The following THSD7A variants were observed in gnomAD, a reference collection of about 807,000 sequenced individuals.
THSD7A encodes thrombospondin type 1 domain containing 7A.
A neutral mutation model predicts 231.3 loss-of-function variants in THSD7A; 96 were observed. The ratio of observed to expected loss-of-function variants is 0.41; its 90% CI spans 0.35 to 0.49. THSD7A has a LOEUF of 0.49. THSD7A is among the 20% of genes least tolerant of loss of function. The probability of loss-of-function intolerance (pLI) is 0.05; values close to 1 mark genes in which losing one functional copy is unlikely to be tolerated. For missense variants in THSD7A, 2,290 were observed against 2,070.2 expected (o/e 1.11, Z -2.06); for synonymous variants, 940 against 743.3 (o/e 1.26, Z -4.30).
intron 1 of THSD7A, among the ~76,000 whole-genome samples, chr7:11,670,773 T>G (rs561760477): frequency 6.6e-6 from 1 of 152,304 alleles, no homozygotes; most frequent in East Asian, 1.9e-4. Flanking sequence ...CACCCCATTT[T>G]TTTGAGGATG....
At chr7:11,473,591 T>A (rs1046661200) in intron 8 of THSD7A, among the ~76,000 whole-genome samples, 1 of 152,180 alleles carries the variant, frequency 6.6e-6, no homozygotes, top group Non-Finnish European at 1.5e-5. Context: ...TTCCCCTCAA[T>A]TTTTTAGAGT....
chr7:11,393,541 A>G (rs1783066398), intron 23 of THSD7A, among the ~76,000 whole-genome samples: 2 of 152,240 alleles, frequency 1.3e-5, no homozygotes, highest in Non-Finnish European at 2.9e-5. Flanking sequence ...AGCCTTCAGA[A>G]GGTGAGTAAT....
chr7:11,676,371 C>T (rs1422066816), intron 1 of THSD7A, among the ~76,000 whole-genome samples: 4 of 152,128 alleles, frequency 2.6e-5, no homozygotes, highest in Non-Finnish European at 5.9e-5. Context: ...TCCAAAGGAT[C>T]ACAATTCCTC....
rs1379533835 is a variant in THSD7A, at chr7:11,575,457, T to C, written c.1453+15003A>G. Reference sequence around the variant, plus strand: ...CCTGTAGAAGTGGGATAATATTTTATTCAAGATTATGTCCTGTCAAGCCTT... The same window carrying C: ...CCTGTAGAAGTGGGATAATATTTTACTCAAGATTATGTCCTGTCAAGCCTT... On this transcript the variant is annotated intron_variant, in intron 4 of 27. Coordinates refer to ENST00000423059, the MANE Select transcript of THSD7A (RefSeq NM_015204.3). 2.0e-5 allele frequency among the ~76,000 whole-genome samples: 3 copies of C among 152,200 alleles called. No homozygotes were observed. The East Asian group carries it at 5.8e-4, about 29-fold the overall frequency.
intron 1 of THSD7A, among the ~76,000 whole-genome samples, chr7:11,703,247 C>T (rs1780661698): frequency 6.6e-6 from 1 of 151,200 alleles, no homozygotes; most frequent in African/African-American, 2.4e-5. Context: ...TTTTCCCAAA[C>T]TGTCTTAATT....
intron 1 of THSD7A, among the ~76,000 whole-genome samples, chr7:11,783,327 AG>A (rs1246430172): frequency 6.6e-6 from 1 of 152,286 alleles, no homozygotes; most frequent in East Asian, 1.9e-4. Flanking sequence ...TCTATAATAA[AG>A]TGTTGCATAT....
chr7:11,688,478 CA>C (rs1380202963), intron 1 of THSD7A, among the ~76,000 whole-genome samples: 2 of 151,732 alleles, frequency 1.3e-5, no homozygotes, highest in African/African-American at 4.8e-5. Context: ...TCCACACATT[CA>C]AAATGAGATG....
chr7:11,593,521 A>G lies in THSD7A; in HGVS notation c.1023-19T>C, dbSNP rs1562753654. 3.7e-6 allele frequency: 6 copies of G among 1,612,188 alleles called. No individual in the cohort carries two copies. In the South Asian group the frequency reaches 6.6e-5, roughly 18 times the overall value. On this transcript the variant is annotated intron_variant, in intron 2 of 27. Coordinates refer to ENST00000423059, the MANE Select transcript of THSD7A (RefSeq NM_015204.3). ...GCAAAAGCTGTAAAAGAGCATTGAT[A>G]TTCTCATTACAGACTCACAGGCAGT...
chr7:11,401,002 A>G (rs183561191), intron 23 of THSD7A, among the ~76,000 whole-genome samples: 177 of 152,276 alleles, frequency 1.2e-3, no homozygotes, highest in Non-Finnish European at 2.0e-3. Flanking sequence ...GAATGATTCT[A>G]TGTGTGTATA....
intron 1 of THSD7A, among the ~76,000 whole-genome samples, chr7:11,714,500 T>A (rs1363255479): frequency 1.3e-5 from 2 of 151,232 alleles, no homozygotes; most frequent in African/African-American, 2.4e-5. Context: ...GTAATAATAT[T>A]TTGATTGAGT....
At chr7:11,818,201 G>A (rs1487998939) in intron 1 of THSD7A, among the ~76,000 whole-genome samples, 1 of 152,140 alleles carries the variant, frequency 6.6e-6, no homozygotes, top group Non-Finnish European at 1.5e-5. Context: ...CGCTATAATA[G>A]CCCAAGGGAA....
At chr7:11,531,577 T>C (rs1476773636) in intron 6 of THSD7A, among the ~76,000 whole-genome samples, 1 of 152,214 alleles carries the variant, frequency 6.6e-6, no homozygotes, top group Non-Finnish European at 1.5e-5. Context: ...CTGCCCTAAA[T>C]GTTCTCTTCT....
At chr7:11,517,571 A>G (rs373104526) in intron 6 of THSD7A, among the ~76,000 whole-genome samples, 1 of 152,324 alleles carries the variant, frequency 6.6e-6, no homozygotes, top group East Asian at 1.9e-4. Flanking sequence ...TAATATTTTG[A>G]CATCAGCTTT....
Position 11,428,995 on chromosome 7 carries a change from T to C in THSD7A, c.3195A>G (p.Lys1065=). The C allele has an allele frequency of 4.3e-6, 7 of 1,612,706 alleles. No individual in the cohort carries two copies. The highest frequency in any genetic ancestry group is 5.1e-6 in the Non-Finnish European group (6 of 1,179,386). Reference sequence around the variant, plus strand: ...GGCAAGGCCTTCCTCCATTATATGGTTTTTCACGCAGCCATTTAGAACGAA... The same window carrying C: ...GGCAAGGCCTTCCTCCATTATATGGCTTTTCACGCAGCCATTTAGAACGAA... The part of the protein sequence containing the change: ...VKVRSKWLRE[K]PYNGGRPCPK... The change falls in exon 14 of 28, where the codon AAA becomes AAG. Residue 1065 remains lysine (K), a synonymous_variant. Coordinates refer to ENST00000423059, the MANE Select transcript of THSD7A (RefSeq NM_015204.3).
At position 11,411,735 on chromosome 7, in the gene THSD7A, AACAT is replaced by A. The variant is rs1480508809; in HGVS notation, c.3683-417_3683-414del. Among the ~76,000 whole-genome samples the A allele has an allele frequency of 6.6e-6, 1 of 152,216 alleles. No individual in the cohort carries two copies. The highest frequency in any genetic ancestry group is 1.5e-5 in the Non-Finnish European group (1 of 68,024). On this transcript the variant is annotated intron_variant, in intron 18 of 27. Coordinates refer to ENST00000423059, the MANE Select transcript of THSD7A (RefSeq NM_015204.3). The surrounding 1 kb of genome is among the most constrained non-coding windows in gnomAD (Gnocchi z 4.1). ...TAACTGTGTAGTTATATTCAGATAA[AACAT>A]ACATTTTATTTCTTATCCATATTTA... is the stretch of plus-strand genomic sequence containing the variant.
intron 2 of THSD7A, among the ~76,000 whole-genome samples, chr7:11,627,354 T>G (rs1781506023): frequency 6.6e-6 from 1 of 152,088 alleles, no homozygotes; most frequent in African/African-American, 2.4e-5. Context: ...TAAATATATA[T>G]GTGTTGGTAT....
At chr7:11,623,163 C>A (rs944132631) in intron 2 of THSD7A, among the ~76,000 whole-genome samples, 3 of 152,082 alleles carry the variant, frequency 2.0e-5, no homozygotes, top group Non-Finnish European at 4.4e-5. Context: ...AAATTAAGCA[C>A]CTGATAGATG....
At chr7:11,473,253 G>C (rs1401318976) in intron 8 of THSD7A, among the ~76,000 whole-genome samples, 1 of 151,522 alleles carries the variant, frequency 6.6e-6, no homozygotes, top group South Asian at 2.1e-4. Flanking sequence ...TCATGCATCA[G>C]AGACATTATT....
rs1165634746 is a variant in THSD7A at position 11,692,957 on chromosome 7, A to G, written c.191-55996T>C. On this transcript the variant is annotated intron_variant, in intron 1 of 27. Coordinates refer to ENST00000423059, the MANE Select transcript of THSD7A (RefSeq NM_015204.3). The stretch of plus-strand genomic sequence containing the variant: ...GTCACTTATCTGGATACTAACTTGT[A>G]TCTTGCAACTAAAGGGTATCTCATG... Among the ~76,000 whole-genome samples, 3 of 151,532 alleles carry G rather than the reference A, an allele frequency of 2.0e-5. No individual in the cohort carries two copies. In the East Asian group the frequency reaches 5.9e-4, roughly 30 times the overall value.
Sources: allele counts gnomAD v4.1 joint callset (sites outside exome capture counted in the v4.1 genomes callset), GRCh38; gene constraint gnomAD v4.1.1; non-coding constraint Gnocchi (gnomAD v3.1); transcripts MANE v1.5; gene names NCBI Gene and HGNC (gene_info 2026-07-23, HGNC 2026-07-21).